Variants in RELN observed in about 807,000 individuals in gnomAD.
RELN encodes reelin.
RELN carries 108 observed loss-of-function variants against 427.6 expected under a neutral mutation model. That is an observed-to-expected ratio of 0.25 (90% CI 0.22 to 0.30). The LOEUF (loss-of-function observed/expected upper bound fraction) is 0.30, where lower values mean the gene tolerates loss of function less well. RELN is among the 10% of genes least tolerant of loss of function. The probability of loss-of-function intolerance (pLI) is 1.00; values close to 1 mark genes in which losing one functional copy is unlikely to be tolerated. For missense variants in RELN, 3,715 were observed against 4,302.8 expected (o/e 0.86, Z 3.82); for synonymous variants, 1,524 against 1,513.4 (o/e 1.01, Z -0.16).
rs1795505328 is a variant in RELN, at chr7:103,917,253, T to C, written c.227-68A>G. The C allele has an allele frequency of 5.8e-6, 7 of 1,200,166 alleles. No homozygotes were observed. In the Admixed American group the frequency reaches 1.2e-4, roughly 21 times the overall value. The allele number at this position is 1,200,166 out of a possible 1,614,324, so 74.3% of individuals were successfully genotyped here. ...AATAACACAATATATTTCTGAAGTG[T>C]TAGACATTGTCAAAACAATCTTTAC... On this transcript the variant is annotated intron_variant, in intron 1 of 64. Transcript: ENST00000428762.
chr7:103,722,256 G>A (rs1375193137), intron 8 of RELN, among the ~76,000 whole-genome samples: 1 of 152,136 alleles, frequency 6.6e-6, no homozygotes, highest in Non-Finnish European at 1.5e-5. Context: ...GTGGGCTCCT[G>A]GCTGTAGAAC....
chr7:103,585,649 C>T (rs1831252703), intron 28 of RELN, among the ~76,000 whole-genome samples: 1 of 152,062 alleles, frequency 6.6e-6, no homozygotes, highest in African/African-American at 2.4e-5. Context: ...GGGCTTTGTA[C>T]CAATCTTACT....
chr7:103,806,605 G>A (rs1168181227), intron 3 of RELN, among the ~76,000 whole-genome samples: 6 of 152,090 alleles, frequency 3.9e-5, no homozygotes, highest in African/African-American at 1.2e-4. Context: ...GATTACAGGT[G>A]TGAGCCACCA....
At chr7:103,907,636 T>A (rs983057838) in intron 2 of RELN, among the ~76,000 whole-genome samples, 21 of 151,706 alleles carry the variant, frequency 1.4e-4, no homozygotes, top group Non-Finnish European at 2.6e-4. Flanking sequence ...GTGGTGTTAG[T>A]TGTACAATCT....
intron 36 of RELN, among the ~76,000 whole-genome samples, chr7:103,558,250 AAC>A (rs1437656358): frequency 1.3e-5 from 2 of 152,168 alleles, no homozygotes; most frequent in Non-Finnish European, 2.9e-5. Context: ...GTGCCTGAAT[AAC>A]ACAGTTTCAT....
intron 7 of RELN, among the ~76,000 whole-genome samples, chr7:103,727,210 T>C (rs1056154990): frequency 7.0e-4 from 107 of 151,996 alleles, no homozygotes; most frequent in Admixed American, 5.8e-3. Context: ...TGAAACACAA[T>C]TGTGACAGAA....
At chr7:103,706,167 G>A (rs73410854) in intron 8 of RELN, among the ~76,000 whole-genome samples, 12,013 of 151,480 alleles carry the variant, frequency 0.079, 1,311 homozygotes, top group African/African-American at 0.25. Context: ...CCACCTATTT[G>A]TTAGCATCAT....
At chr7:103,868,041 A>G (rs1003181622) in intron 2 of RELN, among the ~76,000 whole-genome samples, 2 of 151,996 alleles carry the variant, frequency 1.3e-5, no homozygotes, top group African/African-American at 4.8e-5. Context: ...TTTAAGAAGA[A>G]ATTTGGCCCT....
intron 3 of RELN, among the ~76,000 whole-genome samples, chr7:103,791,002 GA>G (rs1303194502): frequency 6.6e-6 from 1 of 151,578 alleles, no homozygotes; most frequent in African/African-American, 2.4e-5. Flanking sequence ...AAGACAGAAA[GA>G]AAACAATTCC....
chr7:103,714,145 A>G (rs1352026938), intron 8 of RELN, among the ~76,000 whole-genome samples: 1 of 152,196 alleles, frequency 6.6e-6, no homozygotes, highest in African/African-American at 2.4e-5. Flanking sequence ...CTCTCCTAGT[A>G]CAAAAACCTA....
intron 2 of RELN, among the ~76,000 whole-genome samples, chr7:103,887,742 C>T (rs974509016): frequency 1.1e-4 from 16 of 151,540 alleles, no homozygotes; most frequent in Non-Finnish European, 1.6e-4. Context: ...CCTGTCTTTC[C>T]CCTAATTAAA....
Position 103,553,880 on chromosome 7 carries a change from T to C in RELN, c.5798-49A>G, listed in dbSNP as rs774565929. ...AGTTTTTCCAGTGATGAAAATCAAA[T>C]GAACACTTTTGCTCATTGAAAGAAA... is the stretch of plus-strand genomic sequence containing the variant. On this transcript the variant is annotated intron_variant, in intron 38 of 64. Coordinates refer to ENST00000428762, the MANE Select transcript of RELN (RefSeq NM_005045.4). 3 of 1,495,280 alleles carry C rather than the reference T, an allele frequency of 2.0e-6. No homozygotes were observed. The South Asian group carries it at 3.4e-5, about 17-fold the overall frequency. 92.6% of individuals were successfully genotyped at this position (1,495,280 alleles called of 1,614,324 possible).
rs1487246488 is a variant in RELN at position 103,682,156 on chromosome 7, G to A, written c.1249C>T (p.Gln417Ter). 1 of 1,613,826 alleles carries A rather than the reference G, an allele frequency of 6.2e-7. No individual in the cohort carries two copies. The highest frequency in any genetic ancestry group is 8.5e-7 in the Non-Finnish European group (1 of 1,179,846). ...RDVDLSTEDI[Q>*]EQWSEEFESQ... ...TCAAATTCTTCTGACCATTGCTCTT[G>A]AATATCTTCTGTGGAAAGATCTACA... Residue 417 changes from glutamine (Q) to a stop codon, truncating the protein, a stop_gained, in exon 11 of 65, where the codon CAA (glutamine) becomes TAA (stop). Coordinates refer to ENST00000428762, the MANE Select transcript of RELN (RefSeq NM_005045.4). LOFTEE classifies it high-confidence loss of function.
intron 15 of RELN, 23 bp downstream of exon 15, chr7:103,651,638 T>C (rs998344402): frequency 3.7e-6 from 6 of 1,606,582 alleles, no homozygotes; most frequent in Non-Finnish European, 4.3e-6. Flanking sequence ...AGTATTTCAA[T>C]ATCTCAGAGA....
chr7:103,700,323 G>T (rs1834063549), intron 9 of RELN, among the ~76,000 whole-genome samples: 1 of 152,112 alleles, frequency 6.6e-6, no homozygotes, highest in Non-Finnish European at 1.5e-5. Flanking sequence ...TAACATGAAT[G>T]AGTTTCTTCA....
intron 1 of RELN, among the ~76,000 whole-genome samples, chr7:103,937,997 C>T (rs746482930): frequency 6.6e-6 from 1 of 152,138 alleles, no homozygotes; most frequent in Non-Finnish European, 1.5e-5. Flanking sequence ...TAAAATTCAA[C>T]TGCCTTCATG....
At chr7:103,651,969 G>A (rs775352452) in intron 14 of RELN, among the ~76,000 whole-genome samples, 180 bp from the exon 15 acceptor site, 3 of 152,044 alleles carry the variant, frequency 2.0e-5, no homozygotes, top group Non-Finnish European at 1.5e-5. Context: ...AGCTTTCAAA[G>A]GGCAATCAGT....
At chr7:103,520,714 T>C (rs893307077) in intron 48 of RELN, among the ~76,000 whole-genome samples, 2 of 152,184 alleles carry the variant, frequency 1.3e-5, no homozygotes, top group Non-Finnish European at 2.9e-5. Flanking sequence ...TTTCTTAATG[T>C]TGATATACGG....
At chr7:103,950,229 A>AC (rs1317863721) in intron 1 of RELN, among the ~76,000 whole-genome samples, 1 of 152,210 alleles carries the variant, frequency 6.6e-6, no homozygotes, top group African/African-American at 2.4e-5. Flanking sequence ...CAAAGGCCCT[A>AC]CTTCCTAATA....
Sources: gnomAD v4.1 joint callset for allele counts (sites outside exome capture counted in the v4.1 genomes callset) on GRCh38, gnomAD v4.1.1 for gene constraint, MANE v1.5 for transcripts, NCBI Gene and HGNC (gene_info 2026-07-23, HGNC 2026-07-21) for gene names.